The following AZIN1 variants were observed in gnomAD, a reference collection of about 807,000 sequenced individuals.
AZIN1 encodes antizyme inhibitor 1, also known as ornithine decarboxylase antizyme inhibitor.
Under a neutral mutation model 47.4 loss-of-function variants are expected in AZIN1, and 12 were observed. The ratio of observed to expected loss-of-function variants is 0.25; its 90% CI spans 0.16 to 0.41. AZIN1 has a LOEUF of 0.41. Ranked by LOEUF, AZIN1 falls within the 10% of genes least tolerant of loss-of-function variation. The pLI, the probability that AZIN1 is intolerant of heterozygous loss-of-function variation, is 1.00. For missense variants in AZIN1, 410 were observed against 532.4 expected (o/e 0.77, Z 2.26); for synonymous variants, 155 against 176.3 (o/e 0.88, Z 0.96).
chr8:102,838,715 T>C (rs1419474262), intron 5 of AZIN1, 29 bp downstream of exon 5: 14 of 1,580,250 alleles, frequency 8.9e-6, no homozygotes, highest in Middle Eastern at 1.7e-4. Context: ...TGCTAAATAA[T>C]ATTTTCAAGT....
chr8:102,849,729 C>T (rs747035428), intron 2 of AZIN1, among the ~76,000 whole-genome samples: 4 of 152,098 alleles, frequency 2.6e-5, no homozygotes, highest in African/African-American at 4.8e-5. Flanking sequence ...AATACAGTAG[C>T]GTATAACCAC....
In AZIN1 at chr8:102,836,483, T is replaced by TTGCCAG. The variant is rs1032689645; in HGVS notation, c.450-99_450-94dup. The TTGCCAG allele has an allele frequency of 2.9e-6, 4 of 1,367,750 alleles. No homozygotes were observed. In the African/African-American group the frequency reaches 5.8e-5, roughly 20 times the overall value. 84.7% of individuals were successfully genotyped at this position (1,367,750 alleles called of 1,614,324 possible). A position where few individuals can be genotyped will look rare whatever the true frequency, so the allele number is the denominator to read the frequency against. On this transcript the variant is annotated intron_variant, in intron 5 of 11. Coordinates refer to ENST00000337198, the MANE Select transcript of AZIN1 (RefSeq NM_148174.4). The stretch of plus-strand genomic sequence containing the variant: ...GATTGTAGGAAGTGTGTTGATTATG[T>TTGCCAG]TGCCAGTGCTCCCAAATCCAGCGAC...
chr8:102,848,156 GGT>G (rs1287676542), intron 2 of AZIN1, among the ~76,000 whole-genome samples: 1 of 151,982 alleles, frequency 6.6e-6, no homozygotes, highest in Non-Finnish European at 1.5e-5. Flanking sequence ...ATACAGCTTG[GGT>G]GTGTCGTAGG....
At position 102,826,852 on chromosome 8, in the gene AZIN1, G is replaced by C. The variant is rs1317624852; in HGVS notation, c.*1715C>G. 2.0e-5 allele frequency: 3 copies of C among 152,524 alleles called. No individual in the cohort carries two copies. The South Asian group carries it at 6.2e-4, about 32-fold the overall frequency. 9.4% of individuals were successfully genotyped at this position (152,524 alleles called of 1,614,324 possible). A position where few individuals can be genotyped will look rare whatever the true frequency, so the allele number is the denominator to read the frequency against. ...TTAAAAAAAGTTACATGGTAGCTTG[G>C]AATTTTGCATAAAACCCCATAATAT... On this transcript the variant is annotated 3_prime_UTR_variant, in exon 12 of 12. Coordinates refer to ENST00000337198, the MANE Select transcript of AZIN1 (RefSeq NM_148174.4).
Position 102,834,176 on chromosome 8 carries a change from C to A in AZIN1, c.741+13G>T. The A allele has an allele frequency of 6.2e-7, 1 of 1,605,474 alleles. No homozygotes were observed. Among genetic ancestry groups the A allele is most frequent in the Non-Finnish European group, 8.5e-7 (1 of 1,173,214 alleles). On this transcript the variant is annotated intron_variant, in intron 8 of 11. Transcript: ENST00000337198. The stretch of plus-strand genomic sequence containing the variant: ...GCAATTATTCTGTTAATGTCATCTA[C>A]TGAGAAGTTTACCTCTTCCAATTGA...
chr8:102,838,572 G>A (rs952470347), intron 5 of AZIN1, among the ~76,000 whole-genome samples, 172 bp downstream of exon 5: 1 of 152,066 alleles, frequency 6.6e-6, no homozygotes, highest in African/African-American at 2.4e-5. Context: ...AGGATCAGAG[G>A]TAGAGAGCCA....
At chr8:102,849,191 G>C (rs981657823) in intron 2 of AZIN1, among the ~76,000 whole-genome samples, 1 of 152,124 alleles carries the variant, frequency 6.6e-6, no homozygotes, top group African/African-American at 2.4e-5. Flanking sequence ...TACTCAGGAG[G>C]ATGAGGCAGG....
Position 102,827,593 on chromosome 8 carries a change from ATTTTATTTCCCTCCCCCCAAGT to A in AZIN1, c.*952_*973del, listed in dbSNP as rs1811182395. 6.6e-6 allele frequency: 1 copy of A among 152,246 alleles called. No homozygotes were observed. The highest frequency in any genetic ancestry group is 2.4e-5 in the African/African-American group (1 of 41,440). 9.4% of individuals were successfully genotyped at this position (152,246 alleles called of 1,614,324 possible). Reference sequence around the variant, plus strand: ...TTTTAGTGCTCTGCAGTTTTCTGCAATTTTATTTCCCTCCCCCCAAGTTTATTCAAAGTATTTAACAGAATCT... The same window carrying A: ...TTTTAGTGCTCTGCAGTTTTCTGCAATTATTCAAAGTATTTAACAGAATCT... On this transcript the variant is annotated 3_prime_UTR_variant, in exon 12 of 12. Transcript: ENST00000337198.
At chr8:102,835,818 C>A (rs1586163566) in intron 6 of AZIN1, among the ~76,000 whole-genome samples, 1 of 151,970 alleles carries the variant, frequency 6.6e-6, no homozygotes, top group Non-Finnish European at 1.5e-5. Flanking sequence ...GTATTTGAAC[C>A]TCTTGGAGTC....
At chr8:102,859,627 G>C (rs1024964010) in intron 1 of AZIN1, among the ~76,000 whole-genome samples, 4 of 152,194 alleles carry the variant, frequency 2.6e-5, no homozygotes, top group Non-Finnish European at 4.4e-5. Flanking sequence ...TTGAGGCCAG[G>C]AGTTCAAGAT....
At chr8:102,828,827 A>G (rs971055789) in intron 11 of AZIN1, 149 bp from the exon 12 acceptor site, 26 of 592,260 alleles carry the variant, frequency 4.4e-5, no homozygotes, top group African/African-American at 4.3e-4. Context: ...TGCACTGCAG[A>G]GTGATGTTTT....
intron 3 of AZIN1, among the ~76,000 whole-genome samples, chr8:102,842,051 T>C (rs1586176083): frequency 6.6e-6 from 1 of 151,366 alleles, no homozygotes; most frequent in South Asian, 2.1e-4. Context: ...GCCGAGGTTG[T>C]AGTGAGTTGA....
chr8:102,835,764 C>T (rs1811783350), intron 6 of AZIN1, among the ~76,000 whole-genome samples: 2 of 152,134 alleles, frequency 1.3e-5, no homozygotes, highest in Non-Finnish European at 2.9e-5. Flanking sequence ...ACATCTAGGG[C>T]TTAGTGTTAC....
At position 102,837,167 on chromosome 8, in the gene AZIN1, G is replaced by A. The variant is rs560765599; in HGVS notation, c.450-777C>T. ...ACTCCTGACTTCAAGTGATCCACCC[G>A]CCTCGGCCTCCCCAAGTGCTGGGAT... On this transcript the variant is annotated intron_variant, in intron 5 of 11. Coordinates refer to ENST00000337198, the MANE Select transcript of AZIN1 (RefSeq NM_148174.4). Among the ~76,000 whole-genome samples, 10 of 152,230 alleles carry A rather than the reference G, an allele frequency of 6.6e-5. No individual in the cohort carries two copies. The East Asian group carries it at 7.7e-4, about 12-fold the overall frequency.
chr8:102,843,205 CAAAAAAAAAAAA>C (rs10713233), intron 3 of AZIN1, among the ~76,000 whole-genome samples: 7 of 97,268 alleles, frequency 7.2e-5, no homozygotes, highest in Non-Finnish European at 1.5e-4. Flanking sequence ...GACTCGTCTC[CAAAAAAAAAAAA>C]AAAAAAGAAA....
chr8:102,833,110 C>A lies in AZIN1; in HGVS notation c.850G>T (p.Ala284Ser). 1 of 1,612,990 alleles carries A rather than the reference C, an allele frequency of 6.2e-7. No homozygotes were observed. Among genetic ancestry groups the A allele is most frequent in the Non-Finnish European group, 8.5e-7 (1 of 1,179,176 alleles). Residue 284 changes from alanine to serine, a missense_variant, in exon 9 of 12, where the codon GCA becomes TCA. Physicochemically the swap from Ala to Ser is moderately conservative, Grantham distance 99. This residue lies in a region of AZIN1 where 168 missense variants were observed against 198.3 expected (regional missense o/e 0.85). Transcript: ENST00000337198. ...SYYVSSAFTL[A>S]VNIIAKKVVE... Reference sequence around the variant, plus strand: ...ACTTTCTTTGCTATGATATTAACTGCGAGTGTAAATGCAGAAGACACATAG... The same window carrying A: ...ACTTTCTTTGCTATGATATTAACTGAGAGTGTAAATGCAGAAGACACATAG...
At chr8:102,828,711 T>C in intron 11 of AZIN1, 33 bp from the exon 12 acceptor site, 5 of 1,457,160 alleles carry the variant, frequency 3.4e-6, no homozygotes, top group Non-Finnish European at 4.8e-6. Context: ...AAATTCTCAG[T>C]TTAAGCCCAA....
intron 3 of AZIN1, among the ~76,000 whole-genome samples, chr8:102,840,902 C>T (rs1290638081): frequency 6.6e-6 from 1 of 152,120 alleles, no homozygotes; most frequent in Non-Finnish European, 1.5e-5. Flanking sequence ...TATCCATCCT[C>T]CCAAGATATG....
rs1184879937 is a variant in AZIN1, at chr8:102,829,719, C to G, written c.1020+102G>C. Reference sequence around the variant, plus strand: ...GCAAATCCTCAAAAAGGACATTTTTCCCCATTCTAAGATGTTTTTCAAAAA... The same window carrying G: ...GCAAATCCTCAAAAAGGACATTTTTGCCCATTCTAAGATGTTTTTCAAAAA... On this transcript the variant is annotated intron_variant, in intron 10 of 11. Coordinates refer to ENST00000337198, the MANE Select transcript of AZIN1 (RefSeq NM_148174.4). 14 of 952,106 alleles carry G rather than the reference C, an allele frequency of 1.5e-5. No homozygotes were observed. In the East Asian group the frequency reaches 3.4e-4, roughly 23 times the overall value. 59.0% of individuals were successfully genotyped at this position (952,106 alleles called of 1,614,324 possible).
Sources: gnomAD v4.1 joint callset for allele counts (sites outside exome capture counted in the v4.1 genomes callset) on GRCh38, gnomAD v4.1.1 for gene constraint, gnomAD v4.1.1 regional missense constraint, MANE v1.5 for transcripts, NCBI Gene and HGNC (gene_info 2026-07-23, HGNC 2026-07-21) for gene names.